INSYN2B: variants seen among roughly 807,000 people sequenced by gnomAD.
The protein encoded by INSYN2B is protein INSYN2B.
Under a neutral mutation model 41.2 loss-of-function variants are expected in INSYN2B, and 16 were observed. The observed-to-expected ratio is 0.39, with a 90% CI of 0.26 to 0.59. INSYN2B has a LOEUF of 0.59. Among genes scored for constraint, INSYN2B ranks in the 20% least tolerant of loss-of-function variants. The probability of loss-of-function intolerance (pLI) is 0.57; values close to 1 mark genes in which losing one functional copy is unlikely to be tolerated. For synonymous variants in INSYN2B, 245 were observed against 244.4 expected (o/e 1.00, Z -0.02); for missense variants, 608 against 646.4 (o/e 0.94, Z 0.64).
At chr5:169,960,603 G>T (rs1334691394) in intron 1 of INSYN2B, among the ~76,000 whole-genome samples, 3 of 152,120 alleles carry the variant, frequency 2.0e-5, no homozygotes, top group Non-Finnish European at 4.4e-5. Context: ...ATAATGGAGG[G>T]CCAGCCATTT....
At chr5:169,972,442 A>G (rs1777537421) in intron 1 of INSYN2B, among the ~76,000 whole-genome samples, 1 of 151,854 alleles carries the variant, frequency 6.6e-6, no homozygotes, top group African/African-American at 2.4e-5. Flanking sequence ...TAACCAATAG[A>G]TGTCAGTAGC....
intron 3 of INSYN2B, chr5:169,875,099 A>C: frequency 2.4e-6 from 1 of 419,070 alleles, no homozygotes; most frequent in Non-Finnish European, 4.8e-6. Flanking sequence ...GCTATTTTAC[A>C]AGCAAGTATT....
At chr5:169,936,409 AG>A (rs1294296930) in intron 1 of INSYN2B, among the ~76,000 whole-genome samples, 2 of 152,272 alleles carry the variant, frequency 1.3e-5, no homozygotes, top group East Asian at 3.9e-4. Flanking sequence ...CTGAGGATCC[AG>A]GAAGTGAAGT....
chr5:169,873,729 G>A (rs763387366), intron 3 of INSYN2B, among the ~76,000 whole-genome samples: 23 of 152,168 alleles, frequency 1.5e-4, no homozygotes, highest in Non-Finnish European at 2.8e-4. Flanking sequence ...TTTTTCTCTG[G>A]TTAGGTAATA....
At chr5:169,972,169 T>C (rs977531092) in intron 1 of INSYN2B, among the ~76,000 whole-genome samples, 4 of 152,250 alleles carry the variant, frequency 2.6e-5, no homozygotes, top group African/African-American at 9.6e-5. Context: ...CTATCAATCT[T>C]GTAGTTTCTC....
intron 1 of INSYN2B, among the ~76,000 whole-genome samples, chr5:169,978,522 A>G (rs1379710030): frequency 6.6e-6 from 1 of 152,048 alleles, no homozygotes; most frequent in African/African-American, 2.4e-5. Flanking sequence ...TTTTTAATGC[A>G]AAAGAGTGGA....
At chr5:169,977,185 A>C (rs185922799) in intron 1 of INSYN2B, among the ~76,000 whole-genome samples, 354 of 152,346 alleles carry the variant, frequency 2.3e-3, no homozygotes, top group Admixed American at 3.7e-3. Flanking sequence ...CTGTCCCAGC[A>C]TGCTCTGTTC....
At position 169,862,110 on chromosome 5, in the gene INSYN2B, C is replaced by A. The variant is rs1339977940; in HGVS notation, c.*2163G>T. On this transcript the variant is annotated 3_prime_UTR_variant, in exon 4 of 4. Coordinates refer to ENST00000377365, the MANE Select transcript of INSYN2B (RefSeq NM_001129891.3). The stretch of plus-strand genomic sequence containing the variant: ...ACATCTCTTTATCTTCCCAGGCTAA[C>A]TTTGGCCAGTAATCCAGCTCAGCTC... Among the ~76,000 whole-genome samples the A allele has an allele frequency of 6.6e-6, 1 of 152,158 alleles. No individual in the cohort carries two copies. Among genetic ancestry groups the A allele is most frequent in the East Asian group, 1.9e-4 (1 of 5,200 alleles).
At chr5:169,868,423 C>T (rs1771733030) in intron 3 of INSYN2B, among the ~76,000 whole-genome samples, 1 of 152,192 alleles carries the variant, frequency 6.6e-6, no homozygotes, top group Non-Finnish European at 1.5e-5. Context: ...TGACAACAAA[C>T]CAGCTGAGTT....
At chr5:169,962,397 G>A (rs1383289512) in intron 1 of INSYN2B, among the ~76,000 whole-genome samples, 3 of 152,184 alleles carry the variant, frequency 2.0e-5, no homozygotes. Context: ...GAGGCAACCG[G>A]AAAGTGGGGG....
intron 1 of INSYN2B, among the ~76,000 whole-genome samples, chr5:169,949,361 G>A (rs575546573): frequency 9.2e-5 from 14 of 152,178 alleles, no homozygotes; most frequent in Non-Finnish European, 1.8e-4. Context: ...GGAGGCCCAT[G>A]AGAGGAGAGA....
chr5:169,969,931 G>T (rs1777439386), intron 1 of INSYN2B, among the ~76,000 whole-genome samples: 1 of 152,228 alleles, frequency 6.6e-6, no homozygotes, highest in African/African-American at 2.4e-5. Flanking sequence ...AGTTCTTCTG[G>T]TTTTTAATTG....
At chr5:169,952,535 A>G (rs1217505684) in intron 1 of INSYN2B, among the ~76,000 whole-genome samples, 1 of 152,174 alleles carries the variant, frequency 6.6e-6, no homozygotes, top group Non-Finnish European at 1.5e-5. Flanking sequence ...CTGAGCCCAG[A>G]AACCTCCCAG....
intron 1 of INSYN2B, among the ~76,000 whole-genome samples, chr5:169,896,183 G>T (rs193185104): frequency 6.6e-6 from 1 of 152,230 alleles, no homozygotes; most frequent in Admixed American, 6.5e-5. Flanking sequence ...GGGGTCGGGG[G>T]GCGGGGAGGC....
chr5:169,961,249 A>G (rs1409870180), intron 1 of INSYN2B, among the ~76,000 whole-genome samples: 5 of 152,258 alleles, frequency 3.3e-5, no homozygotes, highest in African/African-American at 4.8e-5. Context: ...TTCCACACCT[A>G]GGATAAATGC....
At chr5:169,905,343 C>T (rs1214038692) in intron 1 of INSYN2B, among the ~76,000 whole-genome samples, 1 of 149,478 alleles carries the variant, frequency 6.7e-6, no homozygotes, top group African/African-American at 2.5e-5. Flanking sequence ...AATATCCCAA[C>T]TTTTAAATGT....
chr5:169,915,557 AACACACACACACACACACACACAC>A (rs56728646), intron 1 of INSYN2B, among the ~76,000 whole-genome samples: 2 of 143,384 alleles, frequency 1.4e-5, no homozygotes, highest in African/African-American at 2.6e-5. Context: ...ATTGACAGGG[AACACACACACACACACACACACAC>A]ACACACACAC....
At chr5:169,960,536 G>A (rs1777040632) in intron 1 of INSYN2B, among the ~76,000 whole-genome samples, 2 of 152,168 alleles carry the variant, frequency 1.3e-5, no homozygotes, top group South Asian at 2.1e-4. Flanking sequence ...AGAAACATGA[G>A]GTTCTAAGAT....
chr5:169,897,085 A>G (rs1027734506), intron 1 of INSYN2B, among the ~76,000 whole-genome samples: 1 of 152,230 alleles, frequency 6.6e-6, no homozygotes, highest in South Asian at 2.1e-4. Flanking sequence ...AAGAATATTT[A>G]TTATGAATTT....
Sources: allele counts gnomAD v4.1 joint callset (sites outside exome capture counted in the v4.1 genomes callset), GRCh38; gene constraint gnomAD v4.1.1; transcripts MANE v1.5; gene names NCBI Gene and HGNC (gene_info 2026-07-23, HGNC 2026-07-21).